TENM3: variants seen among roughly 807,000 people sequenced by gnomAD.
The protein encoded by TENM3 is teneurin-3.
Under a neutral mutation model 255.1 loss-of-function variants are expected in TENM3, and 63 were observed. The ratio of observed to expected loss-of-function variants is 0.25; its 90% CI spans 0.20 to 0.30. The LOEUF (loss-of-function observed/expected upper bound fraction) is 0.30, where lower values mean the gene tolerates loss of function less well. Among genes scored for constraint, TENM3 ranks in the 10% least tolerant of loss-of-function variants. The pLI, the probability that TENM3 is intolerant of heterozygous loss-of-function variation, is 1.00. For missense variants in TENM3, 2,929 were observed against 3,461.1 expected, an observed-to-expected ratio of 0.85 and a Z score of 3.86; for synonymous variants, 1,306 against 1,322.3, an observed-to-expected ratio of 0.99 and a Z score of 0.27.
At chr4:182,007,676 C>T in the TENM3 span, among the ~76,000 whole-genome samples, 1 of 152,112 alleles carries the variant, frequency 6.6e-6, no homozygotes, top group Non-Finnish European at 1.5e-5. Context: ...ACATCTTATC[C>T]AATTTGCCAG....
At chr4:181,989,446 A>C in the TENM3 span, among the ~76,000 whole-genome samples, 1 of 152,138 alleles carries the variant, frequency 6.6e-6, no homozygotes, top group Admixed American at 6.6e-5. Flanking sequence ...TAGTTTACAA[A>C]CTGCTAAAAA....
the TENM3 span, among the ~76,000 whole-genome samples, chr4:181,967,637 G>A: frequency 6.6e-6 from 1 of 152,030 alleles, no homozygotes; most frequent in Non-Finnish European, 1.5e-5. Flanking sequence ...CCCTTGCTAC[G>A]GGCTGATGAT....
chr4:181,704,302 TTCTGCCTTGCAAAG>T, the TENM3 span, among the ~76,000 whole-genome samples: 3 of 152,172 alleles, frequency 2.0e-5, no homozygotes, highest in Non-Finnish European at 4.4e-5. Flanking sequence ...TTCCTCCTGA[TTCTGCCTTGCAAAG>T]TCAAAGAACT....
At chr4:181,464,434 A>G in the TENM3 span, among the ~76,000 whole-genome samples, 2 of 152,154 alleles carry the variant, frequency 1.3e-5, no homozygotes, top group African/African-American at 4.8e-5. Flanking sequence ...GTTCTTGATC[A>G]TGTGTATATC....
the TENM3 span, among the ~76,000 whole-genome samples, chr4:181,804,676 T>C: frequency 6.6e-6 from 1 of 152,158 alleles, no homozygotes; most frequent in Non-Finnish European, 1.5e-5. Flanking sequence ...TCACAATGAA[T>C]TAAAAAGACC....
At chr4:182,530,795 G>C (rs574555450) in intron 3 of TENM3, among the ~76,000 whole-genome samples, 1 of 152,172 alleles carries the variant, frequency 6.6e-6, no homozygotes, top group Non-Finnish European at 1.5e-5. Flanking sequence ...TTGAGAAAAA[G>C]GAAAGAGCTC....
chr4:182,762,760 T>G (rs1375946324), intron 22 of TENM3, among the ~76,000 whole-genome samples: 1 of 151,988 alleles, frequency 6.6e-6, no homozygotes, highest in African/African-American at 2.4e-5. Context: ...TCTTTGGAGC[T>G]CTCTCTGGGT....
chr4:181,793,029 A>G, the TENM3 span, among the ~76,000 whole-genome samples: 4 of 152,084 alleles, frequency 2.6e-5, no homozygotes, highest in African/African-American at 9.7e-5. Context: ...TAAGACAAAC[A>G]CTGTTACCTG....
Position 182,800,250 on chromosome 4 carries a change from T to C in TENM3, c.7999T>C (p.Tyr2667His). The change falls in exon 28 of 28, where the codon TAC (tyrosine) becomes CAC (histidine). Residue 2667 changes from tyrosine to histidine, a missense_variant. By Grantham distance (83) the Tyr-to-His change is moderately conservative. Around this residue, in one of 6 missense-constraint regions of TENM3, gnomAD observed 476 missense variants for 480.1 expected, o/e 0.99. Coordinates refer to ENST00000511685, the MANE Select transcript of TENM3 (RefSeq NM_001080477.4). ...GCTGAGCGCCGGCAAGGTGCAGGGC[T>C]ACGACGGGTACTACGTACTCTCGGT... is the stretch of plus-strand genomic sequence containing the variant. ...QLLSAGKVQGYDGYYVLSVEQ... is the reference protein window; with the variant it reads ...QLLSAGKVQGHDGYYVLSVEQ... 6.3e-7 allele frequency: 1 copy of C among 1,593,464 alleles called. No individual in the cohort carries two copies. Among genetic ancestry groups the C allele is most frequent in the Non-Finnish European group, 8.5e-7 (1 of 1,178,238 alleles).
intron 3 of TENM3, among the ~76,000 whole-genome samples, chr4:182,545,338 T>C (rs533317479): frequency 3.9e-5 from 6 of 152,284 alleles, no homozygotes; most frequent in Admixed American, 6.5e-5. Flanking sequence ...TGTTAGCATC[T>C]CTATATTATA....
intron 3 of TENM3, among the ~76,000 whole-genome samples, chr4:182,369,657 G>A (rs1249017628): frequency 1.3e-5 from 2 of 152,132 alleles, no homozygotes; most frequent in African/African-American, 2.4e-5. Flanking sequence ...GAGGCAGGCC[G>A]ATCACCTGAG....
chr4:181,893,027 T>G, the TENM3 span, among the ~76,000 whole-genome samples: 4 of 152,132 alleles, frequency 2.6e-5, no homozygotes. Context: ...CCTGTGTGAG[T>G]ATCAGAGGAA....
At chr4:182,356,743 T>C (rs1765566670) in intron 3 of TENM3, among the ~76,000 whole-genome samples, 1 of 151,900 alleles carries the variant, frequency 6.6e-6, no homozygotes, top group Non-Finnish European at 1.5e-5. Flanking sequence ...ATACTTTAAG[T>C]TTTAGGGTAC....
the TENM3 span, among the ~76,000 whole-genome samples, chr4:182,056,401 C>T: frequency 6.6e-6 from 1 of 152,164 alleles, no homozygotes; most frequent in Non-Finnish European, 1.5e-5. Context: ...TTTTCGATGG[C>T]AGGCACTTTG....
chr4:181,737,829 G>T, the TENM3 span, among the ~76,000 whole-genome samples: 1 of 151,314 alleles, frequency 6.6e-6, no homozygotes, highest in African/African-American at 2.4e-5. Context: ...TAAAAATTTT[G>T]CACTGAAAGA....
At chr4:182,568,078 A>G (rs1261950572) in intron 3 of TENM3, among the ~76,000 whole-genome samples, 1 of 152,236 alleles carries the variant, frequency 6.6e-6, no homozygotes. Flanking sequence ...TAATAGGACT[A>G]TAGATGAAGT....
intron 22 of TENM3, among the ~76,000 whole-genome samples, chr4:182,755,730 C>A (rs1346696074): frequency 1.3e-5 from 2 of 152,026 alleles, no homozygotes; most frequent in African/African-American, 4.8e-5. Flanking sequence ...GTCCCAGCTA[C>A]TCGGGAGGCT....
At chr4:182,563,204 C>T (rs1483688929) in intron 3 of TENM3, among the ~76,000 whole-genome samples, 2 of 152,078 alleles carry the variant, frequency 1.3e-5, no homozygotes, top group Non-Finnish European at 2.9e-5. Flanking sequence ...CACCTGAGGT[C>T]AGGAGTTCAA....
Position 182,775,019 on chromosome 4 carries a change from G to T in TENM3, c.5170G>T (p.Ala1724Ser), listed in dbSNP as rs748887282. 3.1e-6 allele frequency: 5 copies of T among 1,613,876 alleles called. No homozygotes were observed. In the South Asian group the frequency reaches 5.5e-5, roughly 18 times the overall value. The change falls in exon 24 of 28, where the codon GCT becomes TCT. Residue 1724 changes from alanine (A) to serine (S), a missense_variant. Transcript: ENST00000511685. ...CTACCAAACAGAGCCGCACGTTCTG[G>T]CTGGCACCGCTAATCCGACGGTTGC... is the stretch of plus-strand genomic sequence containing the variant. ...SHYQTEPHVL[A>S]GTANPTVAKR...
Sources: allele counts gnomAD v4.1 joint callset (sites outside exome capture counted in the v4.1 genomes callset), GRCh38; gene constraint gnomAD v4.1.1; regional missense constraint gnomAD v4.1.1; transcripts MANE v1.5; gene names NCBI Gene and HGNC (gene_info 2026-07-23, HGNC 2026-07-21).